COMT: variants seen among roughly 807,000 people sequenced by gnomAD.
COMT encodes catechol O-methyltransferase.
Under a neutral mutation model 18.9 loss-of-function variants are expected in COMT, and 13 were observed. That is an observed-to-expected ratio of 0.69 (90% CI 0.45 to 1.09). COMT has a LOEUF of 1.09. COMT is among the 50% of genes least tolerant of loss of function. COMT has a pLI of 0.00. For synonymous variants in COMT, 150 were observed against 160.9 expected, an observed-to-expected ratio of 0.93 and a Z score of 0.51; for missense variants, 329 against 361.8, an observed-to-expected ratio of 0.91 and a Z score of 0.73.
At chr22:19,960,503 C>T (rs1942169481) in intron 1 of COMT, among the ~76,000 whole-genome samples, 1 of 152,218 alleles carries the variant, frequency 6.6e-6, no homozygotes. Context: ...CTTAGGGAAG[C>T]ACCATCTCTT....
intron 1 of COMT, among the ~76,000 whole-genome samples, chr22:19,947,717 G>A (rs1311938520): frequency 6.6e-6 from 1 of 152,092 alleles, no homozygotes; most frequent in Non-Finnish European, 1.5e-5. Flanking sequence ...ACAGGGAGAC[G>A]GTTAGGCCTC....
intron 1 of COMT, among the ~76,000 whole-genome samples, chr22:19,943,261 G>C (rs73385647): frequency 0.031 from 4,650 of 152,268 alleles, 181 homozygotes; most frequent in African/African-American, 0.09. Context: ...GTTCTGTGTT[G>C]TGTTCATAAA....
At chr22:19,952,355 G>C (rs1941956942) in intron 1 of COMT, among the ~76,000 whole-genome samples, 1 of 150,328 alleles carries the variant, frequency 6.7e-6, no homozygotes, top group African/African-American at 2.5e-5. Flanking sequence ...AAACAAAAAG[G>C]CCAGGCAGGT....
At chr22:19,964,585 C>T in intron 5 of COMT, 1 of 612,280 alleles carries the variant, frequency 1.6e-6, no homozygotes, top group South Asian at 1.9e-5. Flanking sequence ...GGTGCACACC[C>T]CAGACCAGAC....
intron 1 of COMT, among the ~76,000 whole-genome samples, chr22:19,948,685 C>T (rs1475074290): frequency 2.0e-5 from 3 of 151,646 alleles, no homozygotes; most frequent in East Asian, 1.9e-4. Context: ...CTGGGTGCAG[C>T]GGCTCACGCC....
At chr22:19,947,225 A>AT (rs1040673563) in intron 1 of COMT, among the ~76,000 whole-genome samples, 14 of 151,364 alleles carry the variant, frequency 9.2e-5, no homozygotes, top group African/African-American at 3.4e-4. Context: ...CCTAAATAAC[A>AT]TTTTTTATTT....
In COMT at chr22:19,963,550, C is replaced by A. The variant is rs1177184408; in HGVS notation, c.290-16C>A. ...CCACCTGTGCTCACCTCTCCTCCGT[C>A]CCCAACCCTGCACAGGCAAGATCGT... On this transcript the variant is annotated splice_polypyrimidine_tract_variant and intron_variant, in intron 3 of 5. Coordinates refer to ENST00000361682, the MANE Select transcript of COMT (RefSeq NM_000754.4). 1.2e-6 allele frequency: 2 copies of A among 1,610,672 alleles called. No individual in the cohort carries two copies. The highest frequency in any genetic ancestry group is 2.2e-5 in the East Asian group (1 of 44,872).
chr22:19,960,046 C>T (rs183207785), intron 1 of COMT, among the ~76,000 whole-genome samples: 6 of 152,364 alleles, frequency 3.9e-5, no homozygotes, highest in African/African-American at 1.4e-4. Context: ...GGCCTCCTCC[C>T]CTCTGCTGCC....
chr22:19,957,039 C>T (rs1013147535), intron 1 of COMT, among the ~76,000 whole-genome samples: 7 of 151,702 alleles, frequency 4.6e-5, no homozygotes, highest in Non-Finnish European at 8.8e-5. Flanking sequence ...CAAGCTCCGC[C>T]TCTGGGGTTC....
chr22:19,967,452 C>T (rs779351993), intron 5 of COMT: 1 of 464,394 alleles, frequency 2.2e-6, no homozygotes, highest in South Asian at 1.6e-5. Context: ...TCCTGCTCAA[C>T]TCCGGACCTT....
chr22:19,965,164 G>C (rs1329181535), intron 5 of COMT: 1 of 155,238 alleles, frequency 6.4e-6, no homozygotes, highest in Non-Finnish European at 1.4e-5. Flanking sequence ...AATGTTCCAG[G>C]AACAATGGGA....
rs753368847 is a variant in COMT, at chr22:19,967,429, T to G, written c.616-1107T>G. On this transcript the variant is annotated intron_variant, in intron 5 of 5. Coordinates refer to ENST00000361682, the MANE Select transcript of COMT (RefSeq NM_000754.4). The stretch of plus-strand genomic sequence containing the variant: ...TTTCTAAATGAAAACACATCATGAT[T>G]CATGGTGGTACTTCCTGCTCAACTC... The G allele has an allele frequency of 1.4e-4, 66 of 470,266 alleles. 2 individuals are homozygous for G. Among genetic ancestry groups the G allele is most frequent in the South Asian group, 1.0e-3 (66 of 64,268 alleles). The allele number at this position is 470,266 out of a possible 1,614,324, so 29.1% of individuals were successfully genotyped here. A position where few individuals can be genotyped will look rare whatever the true frequency, so the allele number is the denominator to read the frequency against.
chr22:19,963,357 C>T, intron 3 of COMT: 1 of 621,340 alleles, frequency 1.6e-6, no homozygotes, highest in Non-Finnish European at 2.8e-6. Context: ...CAAGCGCGCT[C>T]ACAGTGGGGA....
Position 19,967,091 on chromosome 22 carries a change from C to A in COMT, c.616-1445C>A, listed in dbSNP as rs1942440886. 4.8e-6 allele frequency: 6 copies of A among 1,244,418 alleles called. No individual in the cohort carries two copies. In the South Asian group the frequency reaches 8.5e-5, roughly 18 times the overall value. 77.1% of individuals were successfully genotyped at this position (1,244,418 alleles called of 1,614,324 possible). ...TGACCAGTTTCGTAAAGGAGTGGGC[C>A]CCTGGCAGCCTCCAAAGGTGACCCA... is the stretch of plus-strand genomic sequence containing the variant. On this transcript the variant is annotated intron_variant, in intron 5 of 5. Transcript: ENST00000361682.
chr22:19,966,450 A>G lies in COMT; in HGVS notation c.616-2086A>G, dbSNP rs971722603. Among the ~76,000 whole-genome samples the G allele has an allele frequency of 6.9e-4, 105 of 151,492 alleles. 1 individual carries two copies. The highest frequency in any genetic ancestry group is 1.4e-3 in the Non-Finnish European group (92 of 67,926). ...GAGTTCCCCCTTAAAAAAAAAAAAAAAAAAAGAAAAAGACAGAGTCTTGCT... is the reference window on the plus strand; with the variant it reads ...GAGTTCCCCCTTAAAAAAAAAAAAAGAAAAAGAAAAAGACAGAGTCTTGCT... On this transcript the variant is annotated intron_variant, in intron 5 of 5. Transcript: ENST00000361682.
chr22:19,969,762 A>G lies in COMT; in HGVS notation c.*1026A>G. Reference sequence around the variant, plus strand: ...TTGGGGCCACCCAGGGACCAGAAACAGAGCCTCTGCAGGACACAGCAGATG... The same window carrying G: ...TTGGGGCCACCCAGGGACCAGAAACGGAGCCTCTGCAGGACACAGCAGATG... On this transcript the variant is annotated 3_prime_UTR_variant, in exon 6 of 6. Transcript: ENST00000361682. 7 of 901,682 alleles carry G rather than the reference A, an allele frequency of 7.8e-6. No homozygotes were observed. Among genetic ancestry groups the G allele is most frequent in the Non-Finnish European group, 9.3e-6 (7 of 753,616 alleles). 55.9% of individuals were successfully genotyped at this position (901,682 alleles called of 1,614,324 possible).
At chr22:19,960,412 G>T (rs1942167610) in intron 1 of COMT, among the ~76,000 whole-genome samples, 1 of 152,226 alleles carries the variant, frequency 6.6e-6, no homozygotes, top group Admixed American at 6.5e-5. Context: ...AAGGTGGAAA[G>T]TTCTGGCTGC....
chr22:19,954,638 G>T (rs1942021593), intron 1 of COMT, among the ~76,000 whole-genome samples: 5 of 152,044 alleles, frequency 3.3e-5, no homozygotes, highest in South Asian at 2.1e-4. Context: ...TTTTAATAGA[G>T]ACTGGGGTTT....
At chr22:19,943,008 T>TGGCTG (rs1941769207) in intron 1 of COMT, among the ~76,000 whole-genome samples, 1 of 152,204 alleles carries the variant, frequency 6.6e-6, no homozygotes, top group Non-Finnish European at 1.5e-5. Context: ...TGTGGCAGCC[T>TGGCTG]TGAACTTCTC....
Sources: allele counts gnomAD v4.1 joint callset (sites outside exome capture counted in the v4.1 genomes callset), GRCh38; gene constraint gnomAD v4.1.1; transcripts MANE v1.5; gene names NCBI Gene and HGNC (gene_info 2026-07-23, HGNC 2026-07-21).